RASA1: variants seen among roughly 807,000 people sequenced by gnomAD.
RASA1 encodes RAS p21 protein activator 1, also known as ras GTPase-activating protein 1.
In RASA1, 25 loss-of-function variants were observed where a neutral mutation model predicts 132.2. The observed-to-expected ratio is 0.19, with a 90% CI of 0.14 to 0.26. RASA1 has a LOEUF of 0.26. Among genes scored for constraint, RASA1 ranks in the 10% least tolerant of loss-of-function variants. The pLI is 1.00. For missense variants in RASA1, 964 were observed against 1,299.2 expected (o/e 0.74, Z 3.97); for synonymous variants, 477 against 449.9 (o/e 1.06, Z -0.76).
At chr5:87,347,938 C>T (rs1005741081) in intron 7 of RASA1, among the ~76,000 whole-genome samples, 5 of 151,856 alleles carry the variant, frequency 3.3e-5, no homozygotes, top group Non-Finnish European at 7.4e-5. Context: ...AACTTAATTT[C>T]CTTAATACAT....
At chr5:87,301,419 C>T (rs944310012) in intron 1 of RASA1, among the ~76,000 whole-genome samples, 1 of 150,288 alleles carries the variant, frequency 6.7e-6, no homozygotes, top group Non-Finnish European at 1.5e-5. Context: ...AGTGGGTGTA[C>T]CTGTGTAATC....
At chr5:87,376,797 T>A (rs1761357090) in intron 16 of RASA1, 84 bp from the exon 17 acceptor site, 3 of 1,391,868 alleles carry the variant, frequency 2.2e-6, no homozygotes, top group Admixed American at 1.8e-5. Flanking sequence ...TAAGAACTTG[T>A]GAAAGAACAT....
intron 14 of RASA1, among the ~76,000 whole-genome samples, chr5:87,374,565 T>A (rs576011502): frequency 6.6e-6 from 1 of 151,642 alleles, no homozygotes; most frequent in Non-Finnish European, 1.5e-5. Context: ...AAAAAACATT[T>A]ACTAACCCAC....
intron 1 of RASA1, among the ~76,000 whole-genome samples, chr5:87,278,635 A>G (rs1017737278): frequency 2.0e-5 from 3 of 152,192 alleles, no homozygotes; most frequent in African/African-American, 7.2e-5. Context: ...ACTATAGTGC[A>G]GTATCAAAAC....
At chr5:87,278,657 C>A (rs976301117) in intron 1 of RASA1, among the ~76,000 whole-genome samples, 1 of 152,174 alleles carries the variant, frequency 6.6e-6, no homozygotes, top group African/African-American at 2.4e-5. Context: ...AGGACATTGA[C>A]ATCGCTGTAA....
At chr5:87,287,619 TAC>T (rs2112260411) in intron 1 of RASA1, among the ~76,000 whole-genome samples, 1 of 148,670 alleles carries the variant, frequency 6.7e-6, no homozygotes, top group East Asian at 2.0e-4. Context: ...ATATATACCA[TAC>T]ATATACACGC....
chr5:87,347,641 C>A (rs544249650), intron 7 of RASA1, among the ~76,000 whole-genome samples: 36 of 151,878 alleles, frequency 2.4e-4, no homozygotes, highest in South Asian at 1.0e-3. Flanking sequence ...ATACTTTATT[C>A]TTTTGAAAGA....
intron 6 of RASA1, among the ~76,000 whole-genome samples, chr5:87,343,836 A>G (rs536286290): frequency 9.2e-5 from 14 of 152,264 alleles, no homozygotes; most frequent in Admixed American, 9.2e-4. Context: ...CAGTGGATGA[A>G]TGGATAAAGA....
At chr5:87,296,827 G>T (rs1356991621) in intron 1 of RASA1, among the ~76,000 whole-genome samples, 7 of 152,106 alleles carry the variant, frequency 4.6e-5, no homozygotes. Context: ...GAGTTTTATG[G>T]ATCTGTGGTT....
chr5:87,378,269 C>A (rs918529474), intron 17 of RASA1, 127 bp from the exon 18 acceptor site: 1 of 1,057,106 alleles, frequency 9.5e-7, no homozygotes, highest in Non-Finnish European at 1.5e-6. Flanking sequence ...GTACTTTCAA[C>A]GCTGCACGCA....
chr5:87,302,600 ACT>A (rs1755416310), intron 1 of RASA1, among the ~76,000 whole-genome samples: 1 of 151,494 alleles, frequency 6.6e-6, no homozygotes, highest in Non-Finnish European at 1.5e-5. Flanking sequence ...AGTATACTAT[ACT>A]GTATAGTATA....
At chr5:87,284,813 T>C (rs1754472405) in intron 1 of RASA1, among the ~76,000 whole-genome samples, 1 of 152,186 alleles carries the variant, frequency 6.6e-6, no homozygotes, top group Non-Finnish European at 1.5e-5. Flanking sequence ...TAGTTAATAT[T>C]AGGATTCCTG....
In RASA1 at chr5:87,353,196, T is replaced by A. The variant is rs918490291; in HGVS notation, c.1293T>A (p.Ile431=). 6.2e-7 allele frequency: 1 copy of A among 1,610,592 alleles called. No individual in the cohort carries two copies. The highest frequency in any genetic ancestry group is 2.2e-5 in the East Asian group (1 of 44,676). ...TAGATCACTATCGAAAAGAACAGAT[T>A]GTTGAAGGATATTATCTTAAGGAAC... ...DIIDHYRKEQ[I]VEGYYLKEPV... The change falls in exon 9 of 25, where the codon ATT becomes ATA. Residue 431 remains isoleucine, a synonymous_variant. Transcript: ENST00000274376.
chr5:87,286,998 T>C (rs1754609440), intron 1 of RASA1, among the ~76,000 whole-genome samples: 1 of 147,260 alleles, frequency 6.8e-6, no homozygotes, highest in African/African-American at 2.5e-5. Flanking sequence ...ACACACCATA[T>C]ATATACCATA....
At position 87,391,803 on chromosome 5, in the gene RASA1, G is replaced by C. The variant is rs1580424967; in HGVS notation, c.*920G>C. 4.3e-6 allele frequency: 1 copy of C among 231,798 alleles called. No individual in the cohort carries two copies. The highest frequency in any genetic ancestry group is 8.5e-6 in the Non-Finnish European group (1 of 117,222). 14.4% of individuals were successfully genotyped at this position (231,798 alleles called of 1,614,324 possible). On this transcript the variant is annotated 3_prime_UTR_variant, in exon 25 of 25. Coordinates refer to ENST00000274376, the MANE Select transcript of RASA1 (RefSeq NM_002890.3). Reference sequence around the variant, plus strand: ...TCCATCTTTGAACTTCTGACTACTTGTTGTATCTGCTGGATATTTAGTTCA... The same window carrying C: ...TCCATCTTTGAACTTCTGACTACTTCTTGTATCTGCTGGATATTTAGTTCA...
At chr5:87,339,800 C>T (rs562237727) in intron 5 of RASA1, among the ~76,000 whole-genome samples, 95 of 152,154 alleles carry the variant, frequency 6.2e-4, no homozygotes, top group African/African-American at 2.3e-3. Context: ...CATTTATAAA[C>T]AATTTTCACT....
intron 1 of RASA1, among the ~76,000 whole-genome samples, chr5:87,329,855 T>C (rs1757485932): frequency 6.6e-6 from 1 of 152,282 alleles, no homozygotes; most frequent in Admixed American, 6.5e-5. Context: ...CAAAATTTTA[T>C]TCTCTTATGT....
At chr5:87,346,932 C>T (rs1036623095) in intron 7 of RASA1, among the ~76,000 whole-genome samples, 5 of 151,704 alleles carry the variant, frequency 3.3e-5, no homozygotes, top group Non-Finnish European at 7.4e-5. Context: ...TTTCTTTTAC[C>T]CCAGGCCCCT....
At chr5:87,280,023 CT>C (rs1407619428) in intron 1 of RASA1, among the ~76,000 whole-genome samples, 1 of 152,212 alleles carries the variant, frequency 6.6e-6, no homozygotes. Flanking sequence ...AGTTTGATGC[CT>C]GAGGGCAAAA....
Sources: gnomAD v4.1 joint callset for allele counts (sites outside exome capture counted in the v4.1 genomes callset) on GRCh38, gnomAD v4.1.1 for gene constraint, MANE v1.5 for transcripts, NCBI Gene and HGNC (gene_info 2026-07-23, HGNC 2026-07-21) for gene names.